GAREM1: variants seen among roughly 807,000 people sequenced by gnomAD.
GAREM1 encodes the protein GRB2 associated regulator of MAPK1 subtype 1.
GAREM1 carries 26 observed loss-of-function variants against 71.3 expected under a neutral mutation model. That is an observed-to-expected ratio of 0.36 (90% CI 0.27 to 0.51). GAREM1 has a LOEUF of 0.51. Among genes scored for constraint, GAREM1 ranks in the 20% least tolerant of loss-of-function variants. GAREM1 has a pLI of 0.95. For synonymous variants in GAREM1, 440 were observed against 433.2 expected (o/e 1.02, Z -0.20); for missense variants, 1,026 against 1,103.1 (o/e 0.93, Z 0.99).
intron 2 of GAREM1, among the ~76,000 whole-genome samples, chr18:32,338,803 C>T (rs932589607): frequency 6.6e-6 from 1 of 152,102 alleles, no homozygotes; most frequent in African/African-American, 2.4e-5. Flanking sequence ...GGTTTGATCA[C>T]GGTATACAGA....
At chr18:32,403,709 G>T (rs1352187963) in intron 1 of GAREM1, among the ~76,000 whole-genome samples, 3 of 152,132 alleles carry the variant, frequency 2.0e-5, no homozygotes, top group Non-Finnish European at 2.9e-5. Context: ...CCAAAGTGCT[G>T]GGATTACAGG....
chr18:32,336,917 A>G (rs1206556456), intron 2 of GAREM1, among the ~76,000 whole-genome samples: 1 of 152,212 alleles, frequency 6.6e-6, no homozygotes, highest in Non-Finnish European at 1.5e-5. Context: ...ATTAAATAAT[A>G]TTAGTGGCTG....
chr18:32,430,703 A>G (rs2048615541), intron 1 of GAREM1, among the ~76,000 whole-genome samples: 1 of 152,218 alleles, frequency 6.6e-6, no homozygotes, highest in Non-Finnish European at 1.5e-5. Flanking sequence ...AGCAATCCAC[A>G]AGTAATGACA....
intron 2 of GAREM1, among the ~76,000 whole-genome samples, chr18:32,310,805 T>C (rs1453623634): frequency 2.6e-5 from 4 of 152,128 alleles, no homozygotes; most frequent in African/African-American, 9.7e-5. Context: ...AATGATATAA[T>C]GGATTCCTGG....
intron 2 of GAREM1, among the ~76,000 whole-genome samples, chr18:32,326,596 A>G (rs1347685230): frequency 6.6e-6 from 1 of 152,202 alleles, no homozygotes; most frequent in African/African-American, 2.4e-5. Flanking sequence ...ATGCTTTCAA[A>G]CAGGCAATAC....
chr18:32,460,284 A>T (rs1470616632), intron 1 of GAREM1, among the ~76,000 whole-genome samples: 1 of 152,194 alleles, frequency 6.6e-6, no homozygotes, highest in Non-Finnish European at 1.5e-5. Flanking sequence ...CTTAATCATA[A>T]CAATTTACTG....
At position 32,470,347 on chromosome 18, in the gene GAREM1, TGAC is replaced by T; in HGVS notation, c.79_81del (p.Val27del). On this transcript the variant is annotated inframe_deletion, in exon 1 of 6. Coordinates refer to ENST00000269209, the MANE Select transcript of GAREM1 (RefSeq NM_001242409.2). This position sits in a 1 kb window ranked among gnomAD's most constrained non-coding sequence, Gnocchi z 4.4. ...GCGATCTGGGGCAGCCGGTAAGTGC[TGAC>T]CAGGAGGTCGAGCGGCACGGCCACC... 6.4e-7 allele frequency: 1 copy of T among 1,568,748 alleles called. No homozygotes were observed. Among genetic ancestry groups the T allele is most frequent in the East Asian group, 2.5e-5 (1 of 39,376 alleles).
Position 32,287,266 on chromosome 18 carries a change from C to T in GAREM1, c.1331G>A (p.Gly444Asp), listed in dbSNP as rs765048578. Residue 444 changes from glycine (G) to aspartate (D), a missense_variant, in exon 4 of 6, where the codon GGC (glycine) becomes GAC (aspartate). Gly to Asp is a moderately conservative substitution (Grantham distance 94, BLOSUM62 -1). Around this residue, in one of 3 missense-constraint regions of GAREM1, gnomAD observed 636 missense variants for 631.2 expected, o/e 1.01. Transcript: ENST00000269209. This position sits in a 1 kb window ranked among gnomAD's most constrained non-coding sequence, Gnocchi z 5.9. ...LFPEASEESA[G>D]IPGKSELPYE... ...GGGAAGTTCTGACTTTCCCGGGATG[C>T]CTGCTGATTCTTCACTAGCTTCTGG... is the stretch of plus-strand genomic sequence containing the variant. 1 of 1,614,200 alleles carries T rather than the reference C, an allele frequency of 6.2e-7. No individual in the cohort carries two copies. Among genetic ancestry groups the T allele is most frequent in the South Asian group, 1.1e-5 (1 of 91,088 alleles).
intron 1 of GAREM1, among the ~76,000 whole-genome samples, chr18:32,450,297 C>T (rs181922644): frequency 1.3e-5 from 2 of 152,160 alleles, no homozygotes; most frequent in South Asian, 2.1e-4. Flanking sequence ...TCTAAGGGTA[C>T]CTTTTAAATC....
chr18:32,429,775 A>T (rs1254189187), intron 1 of GAREM1, among the ~76,000 whole-genome samples: 1 of 152,252 alleles, frequency 6.6e-6, no homozygotes, highest in Non-Finnish European at 1.5e-5. Context: ...TTAATTCTAA[A>T]TGAACAACTT....
rs571584046 is a variant in GAREM1 at position 32,387,420 on chromosome 18, G to A, written c.262+5475C>T. ...CAGAAAAAATCTTGAGTTCTGTATT[G>A]TACATTTCGTAGGAAAGGTTTGCCC... On this transcript the variant is annotated intron_variant, in intron 2 of 5. Coordinates refer to ENST00000269209, the MANE Select transcript of GAREM1 (RefSeq NM_001242409.2). Among the ~76,000 whole-genome samples, 24 of 152,254 alleles carry A rather than the reference G, an allele frequency of 1.6e-4. 1 individual carries two copies. The East Asian group carries it at 3.3e-3, about 21-fold the overall frequency.
intron 2 of GAREM1, among the ~76,000 whole-genome samples, chr18:32,326,015 T>A (rs1393825260): frequency 6.6e-6 from 1 of 152,182 alleles, no homozygotes; most frequent in East Asian, 1.9e-4. Flanking sequence ...TCTGATTTAC[T>A]TACTGAATAG....
At chr18:32,451,352 A>C (rs2048839073) in intron 1 of GAREM1, among the ~76,000 whole-genome samples, 2 of 151,638 alleles carry the variant, frequency 1.3e-5, no homozygotes, top group Non-Finnish European at 2.9e-5. Context: ...CATGCAGCAC[A>C]AGTGAACAAT....
chr18:32,406,153 T>G (rs554533866), intron 1 of GAREM1, among the ~76,000 whole-genome samples: 1 of 152,340 alleles, frequency 6.6e-6, no homozygotes, highest in Non-Finnish European at 1.5e-5. Context: ...AACTGAGGGA[T>G]ATAATTAAAC....
chr18:32,276,386 G>C (rs780776961), intron 4 of GAREM1, among the ~76,000 whole-genome samples: 12 of 152,286 alleles, frequency 7.9e-5, no homozygotes, highest in Non-Finnish European at 1.3e-4. Context: ...CAAATAGATT[G>C]AGTGCCTATC....
chr18:32,389,607 A>G (rs1029158499), intron 2 of GAREM1, among the ~76,000 whole-genome samples: 1 of 151,700 alleles, frequency 6.6e-6, no homozygotes, highest in African/African-American at 2.4e-5. Context: ...TAGCTGCCCT[A>G]AAAAAAAGTA....
At chr18:32,412,696 T>C in intron 1 of GAREM1, 3 of 1,492,068 alleles carry the variant, frequency 2.0e-6, no homozygotes, top group Non-Finnish European at 1.8e-6. Flanking sequence ...ATGACAATCT[T>C]ATCCACGGAG....
chr18:32,415,198 T>C (rs1318779762), intron 1 of GAREM1, among the ~76,000 whole-genome samples: 1 of 151,752 alleles, frequency 6.6e-6, no homozygotes. Flanking sequence ...AGTAACGAGA[T>C]CAAAGCCATA....
At chr18:32,422,447 T>C (rs191209357) in intron 1 of GAREM1, among the ~76,000 whole-genome samples, 48 of 152,274 alleles carry the variant, frequency 3.2e-4, no homozygotes, top group Non-Finnish European at 6.3e-4. Flanking sequence ...TTCGTATTTG[T>C]AGGTCTGCCT....
Sources: gnomAD v4.1 joint callset for allele counts (sites outside exome capture counted in the v4.1 genomes callset) on GRCh38, gnomAD v4.1.1 for gene constraint, gnomAD v4.1.1 regional missense constraint, Gnocchi (gnomAD v3.1) non-coding constraint, MANE v1.5 for transcripts, NCBI Gene and HGNC (gene_info 2026-07-23, HGNC 2026-07-21) for gene names.